NEGR1: variants seen among roughly 807,000 people sequenced by gnomAD.
NEGR1 encodes the protein neuronal growth regulator 1, also known as IgLON family member 4.
A neutral mutation model predicts 40.9 loss-of-function variants in NEGR1; 10 were observed. The ratio of observed to expected loss-of-function variants is 0.24; its 90% confidence interval spans 0.15 to 0.42. The LOEUF (loss-of-function observed/expected upper bound fraction) is 0.42. Among genes scored for constraint, NEGR1 ranks in the 10% least tolerant of loss-of-function variants. NEGR1 has a pLI of 1.00. For missense variants in NEGR1, 352 were observed against 438.9 expected (o/e 0.80, Z 1.77); for synonymous variants, 185 against 166.8 (o/e 1.11, Z -0.84).
chr1:71,570,665 A>ATTATTATT (rs1375075518), intron 6 of NEGR1, among the ~76,000 whole-genome samples: 2 of 151,316 alleles, frequency 1.3e-5, no homozygotes, highest in Non-Finnish European at 2.9e-5. Context: ...TATTATTATT[A>ATTATTATT]TTACTTTCTA....
chr1:71,952,426 T>C (rs1213620510), intron 1 of NEGR1, among the ~76,000 whole-genome samples: 2 of 151,950 alleles, frequency 1.3e-5, no homozygotes, highest in Non-Finnish European at 2.9e-5. Flanking sequence ...GCTCTAACTA[T>C]CTTCAGTTCT....
At chr1:71,671,644 T>C (rs943140209) in intron 4 of NEGR1, among the ~76,000 whole-genome samples, 1 of 152,176 alleles carries the variant, frequency 6.6e-6, no homozygotes, top group Non-Finnish European at 1.5e-5. Flanking sequence ...ATCCTTTATC[T>C]TTCATCACAT....
At chr1:72,197,942 GT>G (rs1653058131) in intron 1 of NEGR1, among the ~76,000 whole-genome samples, 1 of 151,832 alleles carries the variant, frequency 6.6e-6, no homozygotes. Flanking sequence ...TGCATTTTTT[GT>G]TGTATGTGTC....
intron 6 of NEGR1, among the ~76,000 whole-genome samples, chr1:71,458,447 C>CATA (rs1646690729): frequency 2.6e-5 from 4 of 152,204 alleles, no homozygotes; most frequent in Admixed American, 2.0e-4. Context: ...ATGTAGTGCC[C>CATA]ACTATAGTTA....
chr1:72,182,615 AAAT>A (rs768555905), intron 1 of NEGR1, among the ~76,000 whole-genome samples: 15 of 152,140 alleles, frequency 9.9e-5, no homozygotes, highest in Non-Finnish European at 2.1e-4. Flanking sequence ...ATACCCAAAT[AAAT>A]AATAAGTGTA....
At chr1:72,127,346 C>G (rs1411234876) in intron 1 of NEGR1, among the ~76,000 whole-genome samples, 1 of 151,260 alleles carries the variant, frequency 6.6e-6, no homozygotes. Flanking sequence ...CGCCTGTAGT[C>G]CCAGCTACCC....
chr1:71,784,366 T>A (rs981610748), intron 2 of NEGR1, among the ~76,000 whole-genome samples: 2 of 151,858 alleles, frequency 1.3e-5, no homozygotes, highest in African/African-American at 4.8e-5. Context: ...TTAAAGATCC[T>A]CAGAATATTT....
intron 1 of NEGR1, among the ~76,000 whole-genome samples, chr1:71,969,652 T>C (rs1178950081): frequency 6.6e-6 from 1 of 152,214 alleles, no homozygotes; most frequent in African/African-American, 2.4e-5. Flanking sequence ...CTGTCTTAAT[T>C]ATTACAACAT....
intron 1 of NEGR1, among the ~76,000 whole-genome samples, chr1:72,204,771 A>C (rs901566476): frequency 6.6e-6 from 1 of 152,184 alleles, no homozygotes; most frequent in Non-Finnish European, 1.5e-5. Context: ...AGAACAATTA[A>C]GACCTTATGT....
At chr1:72,000,284 A>G (rs973804207) in intron 1 of NEGR1, among the ~76,000 whole-genome samples, 13 of 152,134 alleles carry the variant, frequency 8.5e-5, no homozygotes, top group Admixed American at 7.9e-4. Context: ...TTGACTGATA[A>G]GCACATTACA....
intron 6 of NEGR1, among the ~76,000 whole-genome samples, chr1:71,450,050 G>A (rs1195061816): frequency 1.3e-5 from 2 of 150,452 alleles, no homozygotes; most frequent in East Asian, 3.9e-4. Flanking sequence ...GAGTGCAGCG[G>A]TCCACTCTTA....
At chr1:71,930,497 C>G (rs771174744) in intron 2 of NEGR1, among the ~76,000 whole-genome samples, 1 of 152,266 alleles carries the variant, frequency 6.6e-6, no homozygotes, top group African/African-American at 2.4e-5. Context: ...GCATCCTACT[C>G]TTCTCTTGTT....
intron 1 of NEGR1, among the ~76,000 whole-genome samples, chr1:72,043,594 T>C (rs1646974651): frequency 6.6e-6 from 1 of 151,956 alleles, no homozygotes; most frequent in South Asian, 2.1e-4. Context: ...CACTGCATTC[T>C]CTAAAATGAA....
intron 2 of NEGR1, among the ~76,000 whole-genome samples, chr1:71,780,674 T>C (rs1557650051): frequency 6.6e-6 from 1 of 152,218 alleles, no homozygotes; most frequent in Non-Finnish European, 1.5e-5. Flanking sequence ...TTCCCTTTAA[T>C]TGTTCACTGG....
intron 1 of NEGR1, among the ~76,000 whole-genome samples, chr1:72,184,584 CAGA>C (rs1408000872): frequency 1.3e-5 from 2 of 151,936 alleles, no homozygotes; most frequent in Non-Finnish European, 2.9e-5. Context: ...CTAAGAATGA[CAGA>C]AGAAGATGAT....
chr1:71,961,751 A>T (rs1646166930), intron 1 of NEGR1, among the ~76,000 whole-genome samples: 1 of 152,066 alleles, frequency 6.6e-6, no homozygotes, highest in Admixed American at 6.6e-5. Flanking sequence ...AAATATCAAT[A>T]TTAACAACTA....
At chr1:71,743,600 C>A (rs1655284496) in intron 3 of NEGR1, among the ~76,000 whole-genome samples, 1 of 151,764 alleles carries the variant, frequency 6.6e-6, no homozygotes, top group Non-Finnish European at 1.5e-5. Context: ...TTATAGAGTC[C>A]CTTTAAATGC....
At chr1:71,542,601 C>T (rs898888132) in intron 6 of NEGR1, among the ~76,000 whole-genome samples, 1 of 151,704 alleles carries the variant, frequency 6.6e-6, no homozygotes, top group Non-Finnish European at 1.5e-5. Context: ...AGCCAGTATA[C>T]TGCAGGGATG....
At chr1:71,975,100 T>C (rs1432824841) in intron 1 of NEGR1, among the ~76,000 whole-genome samples, 1 of 152,180 alleles carries the variant, frequency 6.6e-6, no homozygotes, top group Non-Finnish European at 1.5e-5. Context: ...GCATGTTGAA[T>C]CACTTATTGT....
Sources: gnomAD v4.1 joint callset for allele counts (sites outside exome capture counted in the v4.1 genomes callset) on GRCh38, gnomAD v4.1.1 for gene constraint, MANE v1.5 for transcripts, NCBI Gene and HGNC (gene_info 2026-07-23, HGNC 2026-07-21) for gene names.